LDLRAD4: variants seen among roughly 807,000 people sequenced by gnomAD.
LDLRAD4 encodes the protein low density lipoprotein receptor class A domain containing 4, also known as low-density lipoprotein receptor class A domain-containing protein 4.
Under a neutral mutation model 17.0 loss-of-function variants are expected in LDLRAD4, and 5 were observed. The observed-to-expected ratio is 0.29, with a 90% CI of 0.15 to 0.62. The LOEUF (loss-of-function observed/expected upper bound fraction) is 0.62. LDLRAD4 is among the 20% of genes least tolerant of loss of function. LDLRAD4 has a pLI of 0.84. For synonymous variants in LDLRAD4, 168 were observed against 171.8 expected, an observed-to-expected ratio of 0.98 and a Z score of 0.17; for missense variants, 340 against 424.7, an observed-to-expected ratio of 0.80 and a Z score of 1.75.
chr18:13,638,801 A>G (rs903006898), intron 4 of LDLRAD4, among the ~76,000 whole-genome samples: 15 of 152,204 alleles, frequency 9.9e-5, no homozygotes, highest in Non-Finnish European at 1.9e-4. Flanking sequence ...GAGTGACTCC[A>G]TGAGCCCTGG....
At chr18:13,558,296 C>G (rs2094505283) in intron 3 of LDLRAD4, among the ~76,000 whole-genome samples, 1 of 152,338 alleles carries the variant, frequency 6.6e-6, no homozygotes, top group Admixed American at 6.5e-5. Flanking sequence ...GTTCTGAAGA[C>G]ACATCCCTGG....
At chr18:13,642,019 C>T in intron 4 of LDLRAD4, 1 of 985,402 alleles carries the variant, frequency 1.0e-6, no homozygotes, top group South Asian at 4.7e-5. Context: ...CGCTTCCGCC[C>T]CGCTGGCGCC....
rs373293256 is a variant in LDLRAD4, at chr18:13,494,668, T to TATATTATATATA, written c.181+56284_181+56285insATATTATATATA. ...CACTCCAGCCTGGAGACAGACATAT[T>TATATTATATATA]TAATAATATAATATATTATTAAAAA... On this transcript the variant is annotated intron_variant, in intron 3 of 5. Transcript: ENST00000359446. 8.1e-4 allele frequency among the ~76,000 whole-genome samples: 5 copies of TATATTATATATA among 6,146 alleles called. 1 individual carries two copies. In the East Asian group the frequency reaches 0.3, roughly 369 times the overall value. The allele number at this position is 6,146 out of a possible 152,430, so 4.0% of individuals were successfully genotyped here. A position where few individuals can be genotyped will look rare whatever the true frequency, so the allele number is the denominator to read the frequency against.
intron 1 of LDLRAD4, among the ~76,000 whole-genome samples, chr18:13,346,600 G>C (rs889387583): frequency 4.2e-4 from 64 of 152,284 alleles, no homozygotes; most frequent in African/African-American, 1.4e-3. Flanking sequence ...GGTCTGCTTG[G>C]TACAGAGCTG....
At chr18:13,499,285 C>T (rs1222752265) in intron 3 of LDLRAD4, among the ~76,000 whole-genome samples, 1 of 141,224 alleles carries the variant, frequency 7.1e-6, no homozygotes, top group Non-Finnish European at 1.5e-5. Flanking sequence ...CACGTCCTTT[C>T]GTGGACACTG....
chr18:13,398,876 A>G lies in LDLRAD4; in HGVS notation c.40+11114A>G, dbSNP rs929313218. ...CACTTCCCTACGGGGCATTGGTTCC[A>G]GTATTGTGTCCACTCTCATGGAGTA... is the stretch of plus-strand genomic sequence containing the variant. On this transcript the variant is annotated intron_variant, in intron 2 of 5. Coordinates refer to ENST00000359446, the Ensembl canonical transcript of LDLRAD4. The surrounding 1 kb of genome is among the most constrained non-coding windows in gnomAD (Gnocchi z 4.8). 6.6e-6 allele frequency among the ~76,000 whole-genome samples: 1 copy of G among 152,176 alleles called. No homozygotes were observed. Among genetic ancestry groups the G allele is most frequent in the South Asian group, 2.1e-4 (1 of 4,824 alleles).
chr18:13,371,697 G>C lies in LDLRAD4; in HGVS notation c.-382-15644G>C, dbSNP rs144216344. 4.6e-4 allele frequency among the ~76,000 whole-genome samples: 70 copies of C among 151,230 alleles called. 2 individuals carry two copies. In the East Asian group the frequency reaches 0.012, roughly 26 times the overall value. On this transcript the variant is annotated intron_variant, in intron 1 of 5. Coordinates refer to ENST00000359446, the Ensembl canonical transcript of LDLRAD4. ...GGAGAATCGCCTGAACCCGAGAGGC[G>C]GAGGTTGCAGTGAGCCGAGATCACA...
rs1379317840 is a variant in LDLRAD4 at position 13,224,327 on chromosome 18, G to C, written c.-467+5339G>C. Among the ~76,000 whole-genome samples the C allele has an allele frequency of 2.6e-5, 4 of 152,134 alleles. No homozygotes were observed. The East Asian group carries it at 7.7e-4, about 29-fold the overall frequency. Reference sequence around the variant, plus strand: ...CCCATGGCACCTCTGGGTGTAGCCTGGTGGAGTGTGACTGCCCGGTTCCTG... The same window carrying C: ...CCCATGGCACCTCTGGGTGTAGCCTCGTGGAGTGTGACTGCCCGGTTCCTG... On this transcript the variant is annotated intron_variant, in intron 1 of 5. Coordinates refer to the LDLRAD4 transcript ENST00000399848.
intron 2 of LDLRAD4, among the ~76,000 whole-genome samples, chr18:13,432,657 G>A (rs572337184): frequency 6.6e-6 from 1 of 152,096 alleles, no homozygotes; most frequent in African/African-American, 2.4e-5. Context: ...TCTTTCCTCT[G>A]CATTTCCTGA....
At chr18:13,381,395 CCTCT>C (rs745484321) in intron 1 of LDLRAD4, among the ~76,000 whole-genome samples, 16 of 152,060 alleles carry the variant, frequency 1.1e-4, no homozygotes, top group Non-Finnish European at 2.2e-4. Flanking sequence ...GCCCATTTGC[CCTCT>C]CTCTCGGCCA....
chr18:13,460,476 G>A (rs1470264301), intron 3 of LDLRAD4, among the ~76,000 whole-genome samples: 1 of 152,258 alleles, frequency 6.6e-6, no homozygotes, highest in Admixed American at 6.5e-5. Context: ...ACAGGCATGA[G>A]CCATGCACCC....
At chr18:13,625,296 A>C (rs566160035) in intron 4 of LDLRAD4, among the ~76,000 whole-genome samples, 1 of 152,318 alleles carries the variant, frequency 6.6e-6, no homozygotes, top group African/African-American at 2.4e-5. Context: ...ACTTACTGTT[A>C]CGTCTTTCTG....
intron 3 of LDLRAD4, among the ~76,000 whole-genome samples, chr18:13,496,563 C>T (rs1045110365): frequency 6.6e-6 from 1 of 152,164 alleles, no homozygotes; most frequent in Non-Finnish European, 1.5e-5. Flanking sequence ...CTTTAAAGTA[C>T]CCAGTTAAAT....
At chr18:13,437,712 G>C (rs1046396299) in intron 2 of LDLRAD4, among the ~76,000 whole-genome samples, 4 of 152,318 alleles carry the variant, frequency 2.6e-5, no homozygotes, top group Non-Finnish European at 5.9e-5. Context: ...AGGCATGAGA[G>C]GAATGAACAT....
intron 3 of LDLRAD4, among the ~76,000 whole-genome samples, chr18:13,533,523 G>T (rs973435628): frequency 6.6e-6 from 1 of 152,068 alleles, no homozygotes; most frequent in East Asian, 1.9e-4. Context: ...TTTTCAGTGT[G>T]CCTGGCAAGA....
intron 3 of LDLRAD4, chr18:13,613,624 C>G (rs1032310532): frequency 3.3e-5 from 5 of 152,198 alleles, no homozygotes; most frequent in African/African-American, 1.2e-4. Context: ...TCATGAAACT[C>G]TAGATTCTAA....
rs1395064998 is a variant in LDLRAD4 at position 13,610,290 on chromosome 18, TTTTTTTTTTTTTTTTG to T, written c.182-10826_182-10811del. ...ATTTTTTTTTTTTTTTTTTTTTTTT[TTTTTTTTTTTTTTTTG>T]AGACGGAGTCTCACTCTGTCGCCCA... On this transcript the variant is annotated intron_variant, in intron 3 of 5. Coordinates refer to ENST00000359446, the Ensembl canonical transcript of LDLRAD4. 4.2e-3 allele frequency among the ~76,000 whole-genome samples: 271 copies of T among 64,782 alleles called. 4 individuals are homozygous for T. The highest frequency in any genetic ancestry group is 5.5e-3 in the Non-Finnish European group (173 of 31,636). 42.5% of individuals were successfully genotyped at this position (64,782 alleles called of 152,430 possible). A position where few individuals can be genotyped will look rare whatever the true frequency, so the allele number is the denominator to read the frequency against.
At chr18:13,595,209 TTC>T (rs1460668163) in intron 3 of LDLRAD4, among the ~76,000 whole-genome samples, 3 of 152,132 alleles carry the variant, frequency 2.0e-5, no homozygotes, top group African/African-American at 7.2e-5. Flanking sequence ...TATTTTTCTA[TTC>T]TCTGTTTTGT....
At chr18:13,266,709 A>G (rs1458703974) in intron 1 of LDLRAD4, among the ~76,000 whole-genome samples, 1 of 152,244 alleles carries the variant, frequency 6.6e-6, no homozygotes, top group Non-Finnish European at 1.5e-5. Context: ...GCTCTGAAGC[A>G]AGCCCAGCAC....
Sources: gnomAD v4.1 joint callset for allele counts (sites outside exome capture counted in the v4.1 genomes callset) on GRCh38, gnomAD v4.1.1 for gene constraint, Gnocchi (gnomAD v3.1) non-coding constraint, MANE v1.5 for transcripts, NCBI Gene and HGNC (gene_info 2026-07-23, HGNC 2026-07-21) for gene names.